ITSN1: variants seen among roughly 807,000 people sequenced by gnomAD.
The protein encoded by ITSN1 is intersectin 1.
Under a neutral mutation model 239.8 loss-of-function variants are expected in ITSN1, and 58 were observed. That is an observed-to-expected ratio of 0.24 (90% confidence interval 0.20 to 0.30). The LOEUF (loss-of-function observed/expected upper bound fraction) is 0.30, where lower values mean the gene tolerates loss of function less well. Among genes scored for constraint, ITSN1 ranks in the 10% least tolerant of loss-of-function variants. ITSN1 has a pLI of 1.00. For synonymous variants in ITSN1, 780 were observed against 770.8 expected, an observed-to-expected ratio of 1.01 and a Z score of -0.20; for missense variants, 1,558 against 2,103.3, an observed-to-expected ratio of 0.74 and a Z score of 5.07.
intron 29 of ITSN1, among the ~76,000 whole-genome samples, chr21:33,842,878 G>T (rs2074872307): frequency 6.6e-6 from 1 of 152,094 alleles, no homozygotes; most frequent in Non-Finnish European, 1.5e-5. Flanking sequence ...TTCCCTCAGT[G>T]AGAGGATGAA....
chr21:33,799,487 C>T (rs2071811599), intron 18 of ITSN1, among the ~76,000 whole-genome samples: 1 of 152,124 alleles, frequency 6.6e-6, no homozygotes. Context: ...GGTATTGATG[C>T]TTTACAGATC....
Position 33,793,473 on chromosome 21 carries a change from A to T in ITSN1, c.1825-868A>T, listed in dbSNP as rs1456517912. Among the ~76,000 whole-genome samples the T allele has an allele frequency of 2.0e-5, 3 of 152,316 alleles. No homozygotes were observed. In the East Asian group the frequency reaches 5.8e-4, roughly 29 times the overall value. ...ACATAAGACGAGTTTCAGTGACTCA[A>T]TCTATTGGTGACCATTTGATTTCTA... On this transcript the variant is annotated intron_variant, in intron 16 of 39. Transcript: ENST00000381318.
chr21:33,856,535 G>A (rs375408353), intron 29 of ITSN1, among the ~76,000 whole-genome samples: 5 of 152,186 alleles, frequency 3.3e-5, no homozygotes, highest in Admixed American at 6.5e-5. Context: ...TATATGAAAA[G>A]ACTATTTCCA....
chr21:33,864,554 A>G lies in ITSN1; in HGVS notation c.3891-597A>G, dbSNP rs1459549471. Among the ~76,000 whole-genome samples, 4 of 152,188 alleles carry G rather than the reference A, an allele frequency of 2.6e-5. No homozygotes were observed. The East Asian group carries it at 7.7e-4, about 29-fold the overall frequency. On this transcript the variant is annotated intron_variant, in intron 31 of 39. Coordinates refer to ENST00000381318, the MANE Select transcript of ITSN1 (RefSeq NM_003024.3). ...CATTTTTTGGGTTCATTGGCCCATT[A>G]TCATAGTAATAGACCTCTTTTCCGA...
Position 33,772,165 on chromosome 21 carries a change from C to A in ITSN1, c.1147C>A (p.Leu383Met), listed in dbSNP as rs1449015629. 3 of 1,614,014 alleles carry A rather than the reference C, an allele frequency of 1.9e-6. No homozygotes were observed. The African/African-American group carries it at 4.0e-5, about 22-fold the overall frequency. ...ACAGCAGCGCAAGGAGCAGGAGCGC[C>A]TGGCCCAGCTGGAGCGGGCGGAGCA... ...LEQQRKEQER[L>M]AQLERAEQER... The change falls in exon 12 of 40, where the codon CTG becomes ATG. Residue 383 changes from leucine to methionine, a missense_variant. By Grantham distance (15) the Leu-to-Met change is conservative (BLOSUM62 2). Transcript: ENST00000381318.
At chr21:33,878,774 C>G (rs368508731) in intron 34 of ITSN1, among the ~76,000 whole-genome samples, 1 of 152,220 alleles carries the variant, frequency 6.6e-6, no homozygotes, top group East Asian at 1.9e-4. Flanking sequence ...CGCTCATCAT[C>G]ATTCATTCAA....
chr21:33,754,661 T>G (rs2067790066), intron 7 of ITSN1, among the ~76,000 whole-genome samples: 1 of 152,190 alleles, frequency 6.6e-6, no homozygotes, highest in Non-Finnish European at 1.5e-5. Flanking sequence ...TTGTGGCACA[T>G]TGGCAAGGAG....
chr21:33,662,358 A>G (rs923096258), intron 1 of ITSN1, among the ~76,000 whole-genome samples: 1 of 152,154 alleles, frequency 6.6e-6, no homozygotes, highest in African/African-American at 2.4e-5. Context: ...GAATTTACAA[A>G]TCCCATCATA....
At chr21:33,757,747 A>G (rs1454880271) in intron 8 of ITSN1, among the ~76,000 whole-genome samples, 1 of 152,200 alleles carries the variant, frequency 6.6e-6, no homozygotes, top group Non-Finnish European at 1.5e-5. Flanking sequence ...ATATCAAGAA[A>G]GTTGAGAAAA....
chr21:33,888,297 G>C lies in ITSN1; in HGVS notation c.5163G>C (p.Pro1721=), dbSNP rs144206450. 6.2e-7 allele frequency: 1 copy of C among 1,611,598 alleles called. No homozygotes were observed. Among genetic ancestry groups the C allele is most frequent in the Non-Finnish European group, 8.5e-7 (1 of 1,178,830 alleles). Residue 1721 remains proline, a synonymous_variant, in exon 40 of 40, where the codon CCG becomes CCC. Transcript: ENST00000381318. ...VRLDLQLFDE[P] The stretch of plus-strand genomic sequence containing the variant: ...TGGACCTGCAGTTGTTTGATGAGCC[G>C]TAGGCAGCGGGCTCAGGGTGTGCTC...
chr21:33,883,609 C>T lies in ITSN1; in HGVS notation c.4614C>T (p.Pro1538=). Residue 1538 remains proline, a synonymous_variant, in exon 36 of 40, where the codon CCC becomes CCT. Coordinates refer to ENST00000381318, the MANE Select transcript of ITSN1 (RefSeq NM_003024.3). ...CCACCGACCCTTCTGGAGACGAGCC[C>T]ATCTTCCACATCTCCCACATTGACC... ...KLPTDPSGDE[P]IFHISHIDRV... 1.2e-6 allele frequency: 2 copies of T among 1,613,916 alleles called. No homozygotes were observed. Among genetic ancestry groups the T allele is most frequent in the South Asian group, 2.2e-5 (2 of 91,074 alleles).
chr21:33,799,043 C>T (rs920058372), intron 18 of ITSN1, among the ~76,000 whole-genome samples: 3 of 152,052 alleles, frequency 2.0e-5, no homozygotes, highest in Non-Finnish European at 2.9e-5. Context: ...ATAATACTTC[C>T]CCCTCGTTGC....
chr21:33,853,676 G>A (rs773786737), intron 29 of ITSN1, among the ~76,000 whole-genome samples: 47 of 152,208 alleles, frequency 3.1e-4, no homozygotes, highest in Non-Finnish European at 6.0e-4. Flanking sequence ...AGTAACACTA[G>A]TGTTTCTCAA....
chr21:33,890,917 A>T lies in ITSN1; in HGVS notation c.*2617A>T, dbSNP rs1335851463. 1 of 152,420 alleles carries T rather than the reference A, an allele frequency of 6.6e-6. No homozygotes were observed. Among genetic ancestry groups the T allele is most frequent in the East Asian group, 1.9e-4 (1 of 5,190 alleles). 9.4% of individuals were successfully genotyped at this position (152,420 alleles called of 1,614,324 possible). ...GCCACACTGCTAGCTTCTCCTGCACACTCTGATCTCCTTTAGCCCAAGAAG... is the reference window on the plus strand; with the variant it reads ...GCCACACTGCTAGCTTCTCCTGCACTCTCTGATCTCCTTTAGCCCAAGAAG... On this transcript the variant is annotated 3_prime_UTR_variant, in exon 40 of 40. Transcript: ENST00000381318.
chr21:33,740,494 G>A (rs2066779043), intron 5 of ITSN1, among the ~76,000 whole-genome samples: 1 of 152,216 alleles, frequency 6.6e-6, no homozygotes, highest in African/African-American at 2.4e-5. Context: ...AGCTGCTTTT[G>A]AGAGATGGAG....
At chr21:33,737,857 G>A (rs2066599178) in intron 5 of ITSN1, among the ~76,000 whole-genome samples, 1 of 152,124 alleles carries the variant, frequency 6.6e-6, no homozygotes, top group Non-Finnish European at 1.5e-5. Context: ...TACAGGATGA[G>A]CCACTGCACC....
chr21:33,730,560 C>T (rs534127072), intron 4 of ITSN1, among the ~76,000 whole-genome samples: 74 of 151,648 alleles, frequency 4.9e-4, no homozygotes, highest in African/African-American at 1.7e-3. Flanking sequence ...GCCACCATGC[C>T]CAGCTAATTT....
intron 1 of ITSN1, among the ~76,000 whole-genome samples, chr21:33,716,716 G>A (rs1018556079): frequency 7.2e-5 from 11 of 151,774 alleles, no homozygotes; most frequent in Non-Finnish European, 8.8e-5. Context: ...TGAAAGAGAC[G>A]ACCGAGACAG....
intron 25 of ITSN1, among the ~76,000 whole-genome samples, chr21:33,826,445 A>G (rs934686103): frequency 1.3e-5 from 2 of 152,232 alleles, no homozygotes; most frequent in Non-Finnish European, 2.9e-5. Flanking sequence ...GAAATATTTC[A>G]TAATTAGCCA....
Sources: allele counts gnomAD v4.1 joint callset (sites outside exome capture counted in the v4.1 genomes callset), GRCh38; gene constraint gnomAD v4.1.1; transcripts MANE v1.5; gene names NCBI Gene and HGNC (gene_info 2026-07-23, HGNC 2026-07-21).